RCOR1: variants seen among roughly 807,000 people sequenced by gnomAD.
The protein encoded by RCOR1 is REST corepressor 1, also known as REST corepressor.
RCOR1 carries 12 observed loss-of-function variants against 64.0 expected under a neutral mutation model. The observed-to-expected ratio is 0.19, with a 90% CI of 0.12 to 0.30. The LOEUF (loss-of-function observed/expected upper bound fraction) is 0.30. RCOR1 is among the 10% of genes least tolerant of loss of function. RCOR1 has a pLI of 1.00. For missense variants in RCOR1, 502 were observed against 621.2 expected (o/e 0.81, Z 2.04); for synonymous variants, 279 against 227.2 (o/e 1.23, Z -2.05).
intron 2 of RCOR1, among the ~76,000 whole-genome samples, chr14:102,627,425 G>A (rs1207079753): frequency 1.3e-5 from 2 of 152,204 alleles, no homozygotes; most frequent in East Asian, 3.8e-4. Context: ...GGGAGGCCAA[G>A]GCTGGCGGAT....
At position 102,592,911 on chromosome 14, in the gene RCOR1, C is replaced by T; in HGVS notation, c.25C>T (p.Pro9Ser). 1 of 1,243,430 alleles carries T rather than the reference C, an allele frequency of 8.0e-7. No individual in the cohort carries two copies. Among genetic ancestry groups the T allele is most frequent in the Non-Finnish European group, 1.0e-6 (1 of 987,338 alleles). 77.0% of individuals were successfully genotyped at this position (1,243,430 alleles called of 1,614,324 possible). A position where few individuals can be genotyped will look rare whatever the true frequency, so the allele number is the denominator to read the frequency against. The change falls in exon 1 of 12, where the codon CCC (proline) becomes TCC (serine). Residue 9 changes from proline to serine, a missense_variant. By Grantham distance (74) the Pro-to-Ser change is moderately conservative (BLOSUM62 -1). Around this residue, in one of 2 missense-constraint regions of RCOR1, gnomAD observed 242 missense variants for 204.9 expected, o/e 1.18. Transcript: ENST00000262241. Reference protein sequence around the residue: MPAMVEKGPEVSGKRRGRN... With the variant: MPAMVEKGSEVSGKRRGRN... ...GATGCCGGCCATGGTGGAGAAGGGC[C>T]CCGAGGTCTCAGGGAAGCGGAGAGG...
Position 102,730,385 on chromosome 14 carries a change from T to C in RCOR1, c.*3879T>C. ...TTAATGTCTCTTTGCCTGTTTTCTA[T>C]TTCAGCACATTCATTGTGGTGAATG... On this transcript the variant is annotated 3_prime_UTR_variant, in exon 12 of 12. Transcript: ENST00000262241. The C allele has an allele frequency of 5.7e-6, 1 of 174,040 alleles. No homozygotes were observed. The highest frequency in any genetic ancestry group is 1.2e-5 in the Non-Finnish European group (1 of 82,532). 10.8% of individuals were successfully genotyped at this position (174,040 alleles called of 1,614,324 possible). A position where few individuals can be genotyped will look rare whatever the true frequency, so the allele number is the denominator to read the frequency against.
At chr14:102,721,927 C>T (rs1896176912) in intron 10 of RCOR1, among the ~76,000 whole-genome samples, 1 of 152,166 alleles carries the variant, frequency 6.6e-6, no homozygotes, top group Non-Finnish European at 1.5e-5. Flanking sequence ...ATGTCCCCAA[C>T]CCTAGGGCAA....
intron 2 of RCOR1, among the ~76,000 whole-genome samples, chr14:102,628,869 T>C (rs1894038696): frequency 6.6e-6 from 1 of 150,406 alleles, no homozygotes; most frequent in Non-Finnish European, 1.5e-5. Flanking sequence ...TTTTCTCTAC[T>C]GCAGTCAGAG....
chr14:102,707,911 C>T (rs908852417), intron 5 of RCOR1, among the ~76,000 whole-genome samples: 1 of 152,052 alleles, frequency 6.6e-6, no homozygotes, highest in Admixed American at 6.6e-5. Context: ...GCCTCAGCCT[C>T]CTGAGTAGCT....
At chr14:102,724,266 A>C (rs898833759) in intron 11 of RCOR1, among the ~76,000 whole-genome samples, 4 of 152,070 alleles carry the variant, frequency 2.6e-5, no homozygotes, top group Admixed American at 2.6e-4. Context: ...CATAGTCCTT[A>C]TATCCCTTTA....
chr14:102,635,339 A>G (rs1043885253), intron 2 of RCOR1, among the ~76,000 whole-genome samples: 5 of 151,994 alleles, frequency 3.3e-5, no homozygotes, highest in Non-Finnish European at 1.5e-5. Flanking sequence ...ACCCATCTCT[A>G]CTAAAAATAC....
chr14:102,653,290 C>T (rs1013531218), intron 2 of RCOR1, among the ~76,000 whole-genome samples: 3 of 152,100 alleles, frequency 2.0e-5, no homozygotes, highest in African/African-American at 7.2e-5. Context: ...GCAATCTTGC[C>T]TCACTGGAGC....
chr14:102,670,740 A>ATT (rs912015508), intron 2 of RCOR1, among the ~76,000 whole-genome samples: 14 of 101,402 alleles, frequency 1.4e-4, no homozygotes, highest in South Asian at 1.3e-3. Flanking sequence ...TGACAAGATT[A>ATT]TTATATATAT....
chr14:102,659,984 C>T (rs115573369), intron 2 of RCOR1, among the ~76,000 whole-genome samples: 362 of 152,296 alleles, frequency 2.4e-3, no homozygotes, highest in African/African-American at 8.3e-3. Context: ...TCTGGTGAGT[C>T]GCATGCTCAT....
chr14:102,654,636 A>G (rs1364361041), intron 2 of RCOR1, among the ~76,000 whole-genome samples: 1 of 152,022 alleles, frequency 6.6e-6, no homozygotes, highest in Non-Finnish European at 1.5e-5. Context: ...AGAGGCGAAG[A>G]TGGGGAGGAT....
At chr14:102,689,020 G>A (rs977583114) in intron 3 of RCOR1, among the ~76,000 whole-genome samples, 9 of 152,176 alleles carry the variant, frequency 5.9e-5, no homozygotes, top group Non-Finnish European at 7.3e-5. Flanking sequence ...ACTGCACTGC[G>A]CAGTGTACTT....
At chr14:102,683,945 G>C (rs1895358384) in intron 3 of RCOR1, among the ~76,000 whole-genome samples, 1 of 152,228 alleles carries the variant, frequency 6.6e-6, no homozygotes, top group Admixed American at 6.5e-5. Context: ...GCTGGCAGCT[G>C]GGGGAGGCGC....
At chr14:102,676,137 G>A (rs1015438848) in intron 2 of RCOR1, among the ~76,000 whole-genome samples, 22 of 148,496 alleles carry the variant, frequency 1.5e-4, no homozygotes, top group Non-Finnish European at 2.5e-4. Context: ...GCAACCATCC[G>A]ATTTCTCAAT....
chr14:102,706,306 C>T (rs150971238), intron 4 of RCOR1, among the ~76,000 whole-genome samples: 4 of 151,986 alleles, frequency 2.6e-5, no homozygotes, highest in East Asian at 1.9e-4. Context: ...GTAAAAATTA[C>T]AGGATCCCAG....
chr14:102,593,232 C>T (rs1446411113), intron 1 of RCOR1, 34 bp from the exon 2 acceptor site: 14 of 1,487,014 alleles, frequency 9.4e-6, no homozygotes, highest in Non-Finnish European at 1.2e-5. Context: ...GCGCCCCGCG[C>T]CGCGCTGACC....
chr14:102,608,421 G>GT (rs1182286835), intron 2 of RCOR1, among the ~76,000 whole-genome samples: 3 of 151,542 alleles, frequency 2.0e-5, no homozygotes, highest in Admixed American at 1.3e-4. Flanking sequence ...TTGTGTTGTT[G>GT]TTTTTTTTGT....
At chr14:102,608,415 GT>G (rs1181848483) in intron 2 of RCOR1, among the ~76,000 whole-genome samples, 1 of 151,898 alleles carries the variant, frequency 6.6e-6, no homozygotes, top group Non-Finnish European at 1.5e-5. Context: ...TTTGTTTTGT[GT>G]TGTTGTTTTT....
At chr14:102,653,700 TAA>T (rs36118400) in intron 2 of RCOR1, among the ~76,000 whole-genome samples, 1 of 151,972 alleles carries the variant, frequency 6.6e-6, no homozygotes, top group Non-Finnish European at 1.5e-5. Context: ...TCGGGTCGTC[TAA>T]AAGTGTGTAG....
Sources: gnomAD v4.1 joint callset for allele counts (sites outside exome capture counted in the v4.1 genomes callset) on GRCh38, gnomAD v4.1.1 for gene constraint, gnomAD v4.1.1 regional missense constraint, MANE v1.5 for transcripts, NCBI Gene and HGNC (gene_info 2026-07-23, HGNC 2026-07-21) for gene names.